FGFR3: variants seen among roughly 807,000 people sequenced by gnomAD.
FGFR3 encodes fibroblast growth factor receptor 3, also known as FGFR-3.
A neutral mutation model predicts 82.9 loss-of-function variants in FGFR3; 25 were observed. That is an observed-to-expected ratio of 0.30 (90% CI 0.22 to 0.42). The LOEUF is 0.42. FGFR3 is among the 10% of genes least tolerant of loss of function. The pLI, the probability that FGFR3 is intolerant of heterozygous loss-of-function variation, is 1.00. For missense variants in FGFR3, 1,026 were observed against 1,161.0 expected, an observed-to-expected ratio of 0.88 and a Z score of 1.69; for synonymous variants, 620 against 516.0, an observed-to-expected ratio of 1.20 and a Z score of -2.73.
In FGFR3 at chr4:1,808,550, A is replaced by G. The variant is rs1266441306; in HGVS notation, c.*1288A>G. 4.4e-6 allele frequency: 1 copy of G among 229,694 alleles called. No individual in the cohort carries two copies. The highest frequency in any genetic ancestry group is 8.6e-6 in the Non-Finnish European group (1 of 115,716). 14.2% of individuals were successfully genotyped at this position (229,694 alleles called of 1,614,324 possible). A position where few individuals can be genotyped will look rare whatever the true frequency, so the allele number is the denominator to read the frequency against. On this transcript the variant is annotated 3_prime_UTR_variant, in exon 18 of 18. Transcript: ENST00000440486. ...GTTACAAGTTTATATATATCTATATATATAATTTATTGAGTTTTTACAAGA... is the reference window on the plus strand; with the variant it reads ...GTTACAAGTTTATATATATCTATATGTATAATTTATTGAGTTTTTACAAGA...
At chr4:1,802,946 G>T in intron 7 of FGFR3, 1 of 1,603,076 alleles carries the variant, frequency 6.2e-7, no homozygotes, top group Non-Finnish European at 8.5e-7. Flanking sequence ...AGGCCGACGT[G>T]CGCCTCCGCC....
In FGFR3 at chr4:1,793,927, C is replaced by A; in HGVS notation, c.-8C>A. 9 of 1,270,376 alleles carry A rather than the reference C, an allele frequency of 7.1e-6. No homozygotes were observed. The highest frequency in any genetic ancestry group is 9.1e-6 in the Non-Finnish European group (9 of 992,180). The allele number at this position is 1,270,376 out of a possible 1,614,324, so 78.7% of individuals were successfully genotyped here. On this transcript the variant is annotated 5_prime_UTR_variant, in exon 2 of 18. Coordinates refer to ENST00000440486, the MANE Select transcript of FGFR3 (RefSeq NM_000142.5). ...CTGCCTGAGGACGCCGCGGCCCCCG[C>A]CCCCGCCATGGGCGCCCCTGCCTGC...
intron 2 of FGFR3, among the ~76,000 whole-genome samples, chr4:1,794,696 A>G (rs1720260533): frequency 1.3e-5 from 2 of 152,016 alleles, no homozygotes; most frequent in Non-Finnish European, 2.9e-5. Flanking sequence ...GAGGGTCTGA[A>G]GGGAGGTCCC....
In FGFR3 at chr4:1,805,556, C is replaced by T; in HGVS notation, c.1535-3C>T. ...TGACACAGGCCCCCCGCTCCGTGCACAGACGATGCCACTGACAAGGACCTG... is the reference window on the plus strand; with the variant it reads ...TGACACAGGCCCCCCGCTCCGTGCATAGACGATGCCACTGACAAGGACCTG... On this transcript the variant is annotated splice_region_variant and splice_polypyrimidine_tract_variant and intron_variant, in intron 11 of 17. Transcript: ENST00000440486. 2 of 1,613,058 alleles carry T rather than the reference C, an allele frequency of 1.2e-6. No homozygotes were observed. Among genetic ancestry groups the T allele is most frequent in the South Asian group, 2.2e-5 (2 of 91,090 alleles).
chr4:1,798,105 C>T (rs1159447029), intron 2 of FGFR3, among the ~76,000 whole-genome samples: 1 of 152,076 alleles, frequency 6.6e-6, no homozygotes, highest in East Asian at 1.9e-4. Flanking sequence ...CGATTGTCCC[C>T]CCAGCCCTGC....
In FGFR3 at chr4:1,799,237, G is replaced by T. The variant is rs1005923145; in HGVS notation, c.110-17G>T. ...GTTTGGGGGTGCCTGCCTCATGGTT[G>T]CCCATCTTCCCCACAGAAGTCCCGG... On this transcript the variant is annotated splice_polypyrimidine_tract_variant and intron_variant, in intron 2 of 17. Coordinates refer to ENST00000440486, the MANE Select transcript of FGFR3 (RefSeq NM_000142.5). 2 of 1,611,848 alleles carry T rather than the reference G, an allele frequency of 1.2e-6. No homozygotes were observed. The highest frequency in any genetic ancestry group is 1.7e-6 in the Non-Finnish European group (2 of 1,179,960).
At position 1,799,485 on chromosome 4, in the gene FGFR3, C is replaced by T. The variant is rs779882318; in HGVS notation, c.341C>T (p.Thr114Met). 5.1e-6 allele frequency: 8 copies of T among 1,575,282 alleles called. No individual in the cohort carries two copies. Among genetic ancestry groups the T allele is most frequent in the Admixed American group, 1.9e-5 (1 of 53,758 alleles). The change falls in exon 3 of 18, where the codon ACG (threonine) becomes ATG (methionine). Residue 114 changes from threonine (T) to methionine (M), a missense_variant. Physicochemically the swap from Thr to Met is moderately conservative, Grantham distance 81. This residue lies in a region of FGFR3 where 226 missense variants were observed against 222.0 expected (regional missense o/e 1.02). Coordinates refer to ENST00000440486, the MANE Select transcript of FGFR3 (RefSeq NM_000142.5). The part of the protein sequence containing the change: ...SGAYSCRQRL[T>M]QRVLCHFSVR... The stretch of plus-strand genomic sequence containing the variant: ...GCCTACAGCTGCCGGCAGCGGCTCA[C>T]GCAGCGCGTACTGTGCCACTTCAGT...
chr4:1,807,766 C>A lies in FGFR3; in HGVS notation c.*504C>A. 3.6e-6 allele frequency: 2 copies of A among 561,244 alleles called. No homozygotes were observed. The highest frequency in any genetic ancestry group is 3.0e-5 in the South Asian group (2 of 67,456). 34.8% of individuals were successfully genotyped at this position (561,244 alleles called of 1,614,324 possible). On this transcript the variant is annotated 3_prime_UTR_variant, in exon 18 of 18. Coordinates refer to ENST00000440486, the MANE Select transcript of FGFR3 (RefSeq NM_000142.5). ...ACCGCCTCCCCACCTCCAGGCTTTC[C>A]CACTTCCCACCCTGCCCCTCAGAGA...
intron 2 of FGFR3, among the ~76,000 whole-genome samples, chr4:1,799,035 C>A (rs1401246830): frequency 6.6e-6 from 1 of 152,204 alleles, no homozygotes; most frequent in Non-Finnish European, 1.5e-5. Context: ...GGCTGTCACA[C>A]CGAGGCAGAC....
rs565001558 is a variant in FGFR3 at position 1,807,346 on chromosome 4, C to T, written c.*84C>T. 8.8e-5 allele frequency: 133 copies of T among 1,514,290 alleles called. No homozygotes were observed. The highest frequency in any genetic ancestry group is 1.1e-4 in the Non-Finnish European group (124 of 1,125,228). 93.8% of individuals were successfully genotyped at this position (1,514,290 alleles called of 1,614,324 possible). On this transcript the variant is annotated 3_prime_UTR_variant, in exon 18 of 18. Transcript: ENST00000440486. ...CACAGCCACTCCCCGGCATGAGACT[C>T]AGTGCAGATGGAGAGACAGCTACAC...
In FGFR3 at chr4:1,803,783, C is replaced by T. The variant is rs1721507661; in HGVS notation, c.1022C>T (p.Ala341Val). 3.1e-6 allele frequency: 5 copies of T among 1,614,076 alleles called. No homozygotes were observed. Among genetic ancestry groups the T allele is most frequent in the Non-Finnish European group, 4.2e-6 (5 of 1,180,038 alleles). ...FEDAGEYTCL[A>V]GNSIGFSHHS... is the part of the protein sequence containing the mutation. ...GACGCCGGGGAGTACACCTGCCTGG[C>T]GGGCAATTCTATTGGGTTTTCTCAT... is the stretch of plus-strand genomic sequence containing the variant. Residue 341 changes from alanine (A) to valine (V), a missense_variant, in exon 8 of 18, where the codon GCG becomes GTG. This residue lies in a region of FGFR3 where 256 missense variants were observed against 217.6 expected (regional missense o/e 1.18). Transcript: ENST00000440486.
At chr4:1,796,753 T>C (rs1230299895) in intron 2 of FGFR3, among the ~76,000 whole-genome samples, 1 of 152,148 alleles carries the variant, frequency 6.6e-6, no homozygotes, top group African/African-American at 2.4e-5. Context: ...CTAATGGACA[T>C]CAGTCTTGGG....
chr4:1,805,028 G>A (rs2108800794), intron 10 of FGFR3, 59 bp downstream of exon 10: 1 of 1,501,184 alleles, frequency 6.7e-7, no homozygotes, highest in Admixed American at 2.1e-5. Flanking sequence ...GGGTGAAACA[G>A]CCACCAGTCA....
Position 1,803,120 on chromosome 4 carries a change from C to CCG in FGFR3, c.931-566_931-565dup, listed in dbSNP as rs1036768428. 6 of 1,470,842 alleles carry CCG rather than the reference C, an allele frequency of 4.1e-6. No homozygotes were observed. In the Admixed American group the frequency reaches 7.8e-5, roughly 19 times the overall value. The allele number at this position is 1,470,842 out of a possible 1,614,324, so 91.1% of individuals were successfully genotyped here. A position where few individuals can be genotyped will look rare whatever the true frequency, so the allele number is the denominator to read the frequency against. On this transcript the variant is annotated intron_variant, in intron 7 of 17. Transcript: ENST00000440486. ...AAGAGCTCCAGCTCCAAGGCCCTGG[C>CCG]CGCGCGCCCTGCACGCCCCGCACGC... is the stretch of plus-strand genomic sequence containing the variant.
intron 7 of FGFR3, chr4:1,803,026 A>G (rs1395444766): frequency 6.2e-7 from 1 of 1,601,934 alleles, no homozygotes; most frequent in East Asian, 2.3e-5. Context: ...GGCGTGGCCG[A>G]GAAGGCCTTT....
chr4:1,804,513 A>G lies in FGFR3; in HGVS notation c.1259A>G (p.Lys420Arg), dbSNP rs762949938. The G allele has an allele frequency of 1.2e-5, 20 of 1,612,266 alleles. 2 individuals carry two copies. In the South Asian group the frequency reaches 1.6e-4, roughly 13 times the overall value. ...CACAAGATCTCCCGCTTCCCGCTCA[A>G]GCGACAGGTAACAGAAAGTAGATAC... ...TVHKISRFPL[K>R]RQVSLESNAS... The change falls in exon 9 of 18, where the codon AAG becomes AGG. Residue 420 changes from lysine (K) to arginine (R), a missense_variant. By Grantham distance (26) the Lys-to-Arg change is conservative. Transcript: ENST00000440486.
intron 17 of FGFR3, 45 bp from the exon 18 acceptor site, chr4:1,807,071 A>C (rs1722023999): frequency 6.4e-7 from 1 of 1,555,384 alleles, no homozygotes; most frequent in Non-Finnish European, 8.7e-7. Context: ...GGCTGTGCGA[A>C]GAGGGGCTCG....
chr4:1,795,921 C>T (rs1032809677), intron 2 of FGFR3, among the ~76,000 whole-genome samples: 5 of 152,180 alleles, frequency 3.3e-5, no homozygotes, highest in South Asian at 2.1e-4. Context: ...CTGAGCCTGG[C>T]CTCCAGGTCC....
intron 7 of FGFR3, chr4:1,803,045 C>G (rs751289792): frequency 1.3e-6 from 2 of 1,596,978 alleles, no homozygotes; most frequent in Admixed American, 3.4e-5. Context: ...TTTGGCTGAG[C>G]GTTCACGGGC....
Sources: allele counts gnomAD v4.1 joint callset (sites outside exome capture counted in the v4.1 genomes callset), GRCh38; gene constraint gnomAD v4.1.1; regional missense constraint gnomAD v4.1.1; transcripts MANE v1.5; gene names NCBI Gene and HGNC (gene_info 2026-07-23, HGNC 2026-07-21).